Variants in MAP3K20 observed in about 807,000 individuals in gnomAD.
MAP3K20 encodes HCCS-4.
MAP3K20 carries 40 observed loss-of-function variants against 85.7 expected under a neutral mutation model. The observed-to-expected ratio is 0.47, with a 90% confidence interval of 0.36 to 0.61. The LOEUF (loss-of-function observed/expected upper bound fraction) is 0.61. Among genes scored for constraint, MAP3K20 ranks in the 20% least tolerant of loss-of-function variants. MAP3K20 has a pLI of 0.00. For missense variants in MAP3K20, 817 were observed against 961.7 expected (o/e 0.85, Z 1.99); for synonymous variants, 325 against 327.7 (o/e 0.99, Z 0.09).
chr2:173,245,805 G>A (rs776729365), intron 16 of MAP3K20, among the ~76,000 whole-genome samples: 3 of 152,098 alleles, frequency 2.0e-5, no homozygotes, highest in East Asian at 1.9e-4. Flanking sequence ...GGTGGCCTGC[G>A]CCTGTAGTCC....
At chr2:173,188,138 G>A (rs1014199574) in intron 5 of MAP3K20, among the ~76,000 whole-genome samples, 6 of 152,138 alleles carry the variant, frequency 3.9e-5, no homozygotes, top group Non-Finnish European at 8.8e-5. Flanking sequence ...TTGGAAGTTT[G>A]GAAAGTAAAG....
chr2:173,214,859 C>G (rs917800385), intron 10 of MAP3K20, among the ~76,000 whole-genome samples: 2 of 151,916 alleles, frequency 1.3e-5, no homozygotes, highest in African/African-American at 2.4e-5. Context: ...CCAAAAAAAC[C>G]AAGGGAGCAG....
chr2:173,228,521 A>G (rs1684444721), intron 11 of MAP3K20, among the ~76,000 whole-genome samples: 1 of 152,160 alleles, frequency 6.6e-6, no homozygotes, highest in Non-Finnish European at 1.5e-5. Flanking sequence ...ATTCCAGTAA[A>G]TGCACCCTTT....
At chr2:173,134,417 TATATATATA>T (rs1226267822) in intron 2 of MAP3K20, among the ~76,000 whole-genome samples, 3 of 19,940 alleles carry the variant, frequency 1.5e-4, no homozygotes, top group Non-Finnish European at 2.1e-4. Context: ...TATATATATA[TATATATATA>T]TATTTTTTTT....
intron 11 of MAP3K20, among the ~76,000 whole-genome samples, chr2:173,219,020 GTTTT>G (rs982882821): frequency 6.6e-6 from 1 of 152,110 alleles, no homozygotes; most frequent in African/African-American, 2.4e-5. Flanking sequence ...TGGGAGATAA[GTTTT>G]CTTTCTTTAC....
intron 14 of MAP3K20, among the ~76,000 whole-genome samples, chr2:173,234,067 T>C (rs1684589671): frequency 6.6e-6 from 1 of 152,232 alleles, no homozygotes; most frequent in South Asian, 2.1e-4. Context: ...TTTTCTGCAG[T>C]ACAGAGATGT....
At chr2:173,172,019 G>T (rs762333718) in intron 3 of MAP3K20, among the ~76,000 whole-genome samples, 1 of 152,220 alleles carries the variant, frequency 6.6e-6, no homozygotes, top group Non-Finnish European at 1.5e-5. Context: ...GCTTGTTTAT[G>T]TGAGCCTTTC....
intron 1 of MAP3K20, among the ~76,000 whole-genome samples, chr2:173,076,944 T>A (rs1231199056): frequency 2.0e-5 from 3 of 152,286 alleles, no homozygotes; most frequent in South Asian, 2.1e-4. Flanking sequence ...TAAAAAGTTA[T>A]CTCTGTTAGA....
Position 173,198,454 on chromosome 2 carries a change from G to A in MAP3K20, c.669+342G>A, listed in dbSNP as rs1690923206. ...AGTTTAACTCCATCTCCTGCGTTTA[G>A]GACATCTTTTTTACTGGCCGGGAGT... On this transcript the variant is annotated intron_variant, in intron 8 of 19. Coordinates refer to ENST00000375213, the MANE Select transcript of MAP3K20 (RefSeq NM_016653.3). This position sits in a 1 kb window ranked among gnomAD's most constrained non-coding sequence, Gnocchi z 5.8. The A allele has an allele frequency of 6.3e-6, 1 of 159,696 alleles. No homozygotes were observed. Among genetic ancestry groups the A allele is most frequent in the African/African-American group, 2.4e-5 (1 of 41,562 alleles). 9.9% of individuals were successfully genotyped at this position (159,696 alleles called of 1,614,324 possible).
intron 2 of MAP3K20, among the ~76,000 whole-genome samples, chr2:173,117,270 C>T (rs1405880671): frequency 6.6e-6 from 1 of 151,824 alleles, no homozygotes; most frequent in Non-Finnish European, 1.5e-5. Flanking sequence ...TAGTTTTAAA[C>T]TTCCTCATTT....
At position 173,266,547 on chromosome 2, in the gene MAP3K20, C is replaced by T; in HGVS notation, c.2200C>T (p.Pro734Ser). ...PHQSPDFKRS[P>S]RDLHQPNTIP... ...CCAGTCGCCTGACTTCAAGAGAAGC[C>T]CCAGGGACCTCCACCAACCCAACAC... is the stretch of plus-strand genomic sequence containing the variant. Residue 734 changes from proline to serine, a missense_variant, in exon 20 of 20, where the codon CCC becomes TCC. By Grantham distance (74) the Pro-to-Ser change is moderately conservative (BLOSUM62 -1). Transcript: ENST00000375213. 6.2e-7 allele frequency: 1 copy of T among 1,613,680 alleles called. No homozygotes were observed. Among genetic ancestry groups the T allele is most frequent in the South Asian group, 1.1e-5 (1 of 91,026 alleles).
chr2:173,252,647 C>A (rs1038382580), intron 16 of MAP3K20, among the ~76,000 whole-genome samples: 2 of 152,238 alleles, frequency 1.3e-5, no homozygotes, highest in African/African-American at 4.8e-5. Flanking sequence ...AGCAAAAGCA[C>A]TTCCCAGTGC....
At chr2:173,194,767 T>G (rs942779420) in intron 7 of MAP3K20, among the ~76,000 whole-genome samples, 5 of 150,588 alleles carry the variant, frequency 3.3e-5, no homozygotes, top group South Asian at 2.2e-4. Flanking sequence ...AAAAAAAGGT[T>G]TTTTTTTTAA....
chr2:173,198,939 C>G lies in MAP3K20; in HGVS notation c.669+827C>G, dbSNP rs368300016. ...AATTCTCAGCATAAGGATGAAGCAT[C>G]CAATATCAAGGTATTATGAGAACTT... On this transcript the variant is annotated intron_variant, in intron 8 of 19. Transcript: ENST00000375213. The surrounding 1 kb of genome is among the most constrained non-coding windows in gnomAD (Gnocchi z 5.8). 2.0e-5 allele frequency: 3 copies of G among 152,496 alleles called. No homozygotes were observed. Among genetic ancestry groups the G allele is most frequent in the African/African-American group, 7.2e-5 (3 of 41,404 alleles). 9.4% of individuals were successfully genotyped at this position (152,496 alleles called of 1,614,324 possible). A position where few individuals can be genotyped will look rare whatever the true frequency, so the allele number is the denominator to read the frequency against.
At chr2:173,126,009 G>A (rs1688432644) in intron 2 of MAP3K20, among the ~76,000 whole-genome samples, 1 of 151,990 alleles carries the variant, frequency 6.6e-6, no homozygotes, top group Non-Finnish European at 1.5e-5. Context: ...ATTCTGTTTT[G>A]CAGTAATCTG....
At chr2:173,123,833 T>C (rs1688366900) in intron 2 of MAP3K20, among the ~76,000 whole-genome samples, 1 of 152,180 alleles carries the variant, frequency 6.6e-6, no homozygotes, top group Non-Finnish European at 1.5e-5. Context: ...AATAAAATAT[T>C]TTTTTAGAGC....
At chr2:173,096,277 T>A (rs565858616) in intron 2 of MAP3K20, among the ~76,000 whole-genome samples, 1 of 152,194 alleles carries the variant, frequency 6.6e-6, no homozygotes, top group Non-Finnish European at 1.5e-5. Context: ...ACTTTTATAA[T>A]CAGAAAAATT....
chr2:173,154,407 C>T (rs1322242020), intron 2 of MAP3K20, among the ~76,000 whole-genome samples: 1 of 152,166 alleles, frequency 6.6e-6, no homozygotes, highest in African/African-American at 2.4e-5. Context: ...TGGTCTTGAA[C>T]TCCTGACCTC....
intron 6 of MAP3K20, 21 bp downstream of exon 6, chr2:173,190,944 T>TA (rs771218868): frequency 7.5e-6 from 12 of 1,606,700 alleles, no homozygotes; most frequent in South Asian, 5.6e-5. Context: ...TTCTTTTACT[T>TA]AAAAAAATTG....
Sources: gnomAD v4.1 joint callset for allele counts (sites outside exome capture counted in the v4.1 genomes callset) on GRCh38, gnomAD v4.1.1 for gene constraint, Gnocchi (gnomAD v3.1) non-coding constraint, MANE v1.5 for transcripts, NCBI Gene and HGNC (gene_info 2026-07-23, HGNC 2026-07-21) for gene names.